The following SCMH1 variants were observed in gnomAD, a reference collection of about 807,000 sequenced individuals.
SCMH1 encodes the protein Scm polycomb group protein homolog 1, also known as polycomb protein SCMH1.
Under a neutral mutation model 70.8 loss-of-function variants are expected in SCMH1, and 37 were observed. The observed-to-expected ratio is 0.52, with a 90% CI of 0.40 to 0.69. The LOEUF (loss-of-function observed/expected upper bound fraction) is 0.69, where lower values mean the gene tolerates loss of function less well. Among genes scored for constraint, SCMH1 ranks in the 30% least tolerant of loss-of-function variants. The pLI, the probability that SCMH1 is intolerant of heterozygous loss-of-function variation, is 0.00. For missense variants in SCMH1, 607 were observed against 827.3 expected, an observed-to-expected ratio of 0.73 and a Z score of 3.27; for synonymous variants, 292 against 307.4, an observed-to-expected ratio of 0.95 and a Z score of 0.52.
chr1:41,235,193 C>T (rs1490543527), intron 1 of SCMH1, among the ~76,000 whole-genome samples: 1 of 152,118 alleles, frequency 6.6e-6, no homozygotes, highest in Admixed American at 6.5e-5. Context: ...ATGGTTCACT[C>T]TAATATTAGT....
intron 12 of SCMH1, among the ~76,000 whole-genome samples, chr1:41,038,627 A>G (rs1645651719): frequency 6.6e-6 from 1 of 152,190 alleles, no homozygotes; most frequent in Non-Finnish European, 1.5e-5. Flanking sequence ...TCAAAGTAAA[A>G]TCTAGGATTA....
At chr1:41,212,909 GAA>G (rs1261335670) in intron 1 of SCMH1, among the ~76,000 whole-genome samples, 2 of 151,874 alleles carry the variant, frequency 1.3e-5, no homozygotes, top group Non-Finnish European at 2.9e-5. Context: ...TTTAACAGGA[GAA>G]AAAGACAAGG....
intron 4 of SCMH1, chr1:41,159,650 C>A: frequency 1.4e-6 from 2 of 1,459,204 alleles, no homozygotes; most frequent in South Asian, 1.5e-5. Flanking sequence ...CACATCAGTA[C>A]CTTAAAAAGC....
intron 1 of SCMH1, among the ~76,000 whole-genome samples, chr1:41,230,263 T>C (rs1661052500): frequency 6.6e-6 from 1 of 152,066 alleles, no homozygotes; most frequent in African/African-American, 2.4e-5. Context: ...TATGGTGGCT[T>C]AGACTAGAAT....
rs117594580 is a variant in SCMH1 at position 41,231,145 on chromosome 1, T to C, written c.-118+10914A>G. Among the ~76,000 whole-genome samples, 85 of 152,284 alleles carry C rather than the reference T, an allele frequency of 5.6e-4. No homozygotes were observed. In the East Asian group the frequency reaches 7.5e-3, roughly 13 times the overall value. On this transcript the variant is annotated intron_variant, in intron 1 of 14. Coordinates refer to ENST00000337495, the Ensembl canonical transcript of SCMH1. ...GATCAAACTGTGGTCTATTTTGTAC[T>C]GGGATTCACTATTACTAGGACTTGG...
intron 13 of SCMH1, among the ~76,000 whole-genome samples, chr1:41,033,284 T>G (rs999852337): frequency 6.8e-6 from 1 of 146,102 alleles, no homozygotes; most frequent in South Asian, 2.2e-4. Flanking sequence ...AGAGACACTA[T>G]TAAAAAAAAA....
chr1:41,100,294 G>A (rs1251236346), intron 8 of SCMH1, among the ~76,000 whole-genome samples: 1 of 151,992 alleles, frequency 6.6e-6, no homozygotes, highest in Non-Finnish European at 1.5e-5. Context: ...GCAACATAGT[G>A]AGATCTCGTC....
chr1:41,201,355 T>C (rs1654315352), intron 1 of SCMH1, among the ~76,000 whole-genome samples: 1 of 152,220 alleles, frequency 6.6e-6, no homozygotes. Context: ...ATTCTACTAC[T>C]GAGAAGTCAC....
At chr1:41,060,733 C>G (rs929570517) in intron 10 of SCMH1, among the ~76,000 whole-genome samples, 7 of 152,176 alleles carry the variant, frequency 4.6e-5, no homozygotes, top group African/African-American at 1.7e-4. Context: ...CAGCCTCAAT[C>G]TCCCAGGCTC....
At position 41,194,214 on chromosome 1, in the gene SCMH1, G is replaced by C. The variant is rs139913792; in HGVS notation, c.-117-7964C>G. Among the ~76,000 whole-genome samples the C allele has an allele frequency of 5.9e-5, 9 of 152,308 alleles. No homozygotes were observed. In the East Asian group the frequency reaches 1.7e-3, roughly 29 times the overall value. On this transcript the variant is annotated intron_variant, in intron 1 of 14. Transcript: ENST00000337495. ...TAAAAACTGCAGAATAAAATGTCAA[G>C]AAAGGGGAAGTTTTTTCATTTGCTC...
At chr1:41,166,622 GT>G (rs1646425857) in intron 2 of SCMH1, among the ~76,000 whole-genome samples, 1 of 151,474 alleles carries the variant, frequency 6.6e-6, no homozygotes, top group Non-Finnish European at 1.5e-5. Flanking sequence ...AAATGGGATT[GT>G]TTTCTTAATT....
chr1:41,063,460 G>A (rs1370579333), intron 10 of SCMH1, among the ~76,000 whole-genome samples: 3 of 152,070 alleles, frequency 2.0e-5, no homozygotes, highest in East Asian at 1.9e-4. Context: ...GTGACAGAGC[G>A]AGACTCTGTC....
intron 1 of SCMH1, among the ~76,000 whole-genome samples, chr1:41,193,096 A>G (rs915298357): frequency 4.6e-5 from 7 of 152,244 alleles, no homozygotes; most frequent in Non-Finnish European, 1.0e-4. Flanking sequence ...TAGATTGCCA[A>G]CTACTAACCT....
intron 6 of SCMH1, among the ~76,000 whole-genome samples, chr1:41,130,350 T>C (rs1674341168): frequency 6.6e-6 from 1 of 152,168 alleles, no homozygotes; most frequent in African/African-American, 2.4e-5. Context: ...ACTATGTCAA[T>C]AGTGTCCTTT....
intron 2 of SCMH1, among the ~76,000 whole-genome samples, chr1:41,173,249 A>C (rs1340680290): frequency 6.6e-6 from 1 of 152,144 alleles, no homozygotes; most frequent in Non-Finnish European, 1.5e-5. Flanking sequence ...GCAAAAAACA[A>C]AAAACTCCCC....
chr1:41,146,763 ATT>A (rs1278255073), intron 5 of SCMH1, among the ~76,000 whole-genome samples: 2 of 152,130 alleles, frequency 1.3e-5, no homozygotes, highest in East Asian at 3.8e-4. Context: ...TTAACAATTC[ATT>A]TCTCAGAGCA....
At chr1:41,221,495 C>G (rs1344264927) in intron 1 of SCMH1, among the ~76,000 whole-genome samples, 1 of 122,038 alleles carries the variant, frequency 8.2e-6, no homozygotes, top group Non-Finnish European at 1.7e-5. Flanking sequence ...TCTACAAAAA[C>G]AAAAAAAAAA....
At chr1:41,152,512 T>G in intron 4 of SCMH1, 1 of 1,400,934 alleles carries the variant, frequency 7.1e-7, no homozygotes, top group Non-Finnish European at 1.0e-6. Context: ...GCAGGAACAT[T>G]TGATACAGAC....
chr1:41,029,605 T>C (rs1470717447), intron 13 of SCMH1, among the ~76,000 whole-genome samples: 2 of 152,202 alleles, frequency 1.3e-5, no homozygotes, highest in Non-Finnish European at 2.9e-5. Context: ...CTGTTTCCCC[T>C]GTGGGATTTG....
Sources: gnomAD v4.1 joint callset for allele counts (sites outside exome capture counted in the v4.1 genomes callset) on GRCh38, gnomAD v4.1.1 for gene constraint, MANE v1.5 for transcripts, NCBI Gene and HGNC (gene_info 2026-07-23, HGNC 2026-07-21) for gene names.